The following GPHN variants were observed in gnomAD, a reference collection of about 807,000 sequenced individuals.
The protein encoded by GPHN is gephyrin.
GPHN carries 17 observed loss-of-function variants against 95.5 expected under a neutral mutation model. The ratio of observed to expected loss-of-function variants is 0.18; its 90% CI spans 0.12 to 0.27. GPHN has a LOEUF of 0.27. Among genes scored for constraint, GPHN ranks in the 10% least tolerant of loss-of-function variants. GPHN has a pLI of 1.00. For missense variants in GPHN, 660 were observed against 978.1 expected (o/e 0.67, Z 4.34); for synonymous variants, 320 against 322.5 (o/e 0.99, Z 0.08).
the GPHN span, chr14:67,340,004 C>A: frequency 7.1e-6 from 1 of 141,228 alleles, no homozygotes; most frequent in African/African-American, 2.8e-5. Flanking sequence ...GCACTCCAGC[C>A]TGGGTGACAG....
chr14:67,682,567 C>A, the GPHN span, among the ~76,000 whole-genome samples: 1 of 152,166 alleles, frequency 6.6e-6, no homozygotes, highest in Non-Finnish European at 1.5e-5. Flanking sequence ...TTCATACTCA[C>A]TAGGATGGCT....
At chr14:67,401,347 A>C in the GPHN span, among the ~76,000 whole-genome samples, 3 of 152,062 alleles carry the variant, frequency 2.0e-5, no homozygotes, top group South Asian at 6.2e-4. Context: ...TAAATAAATA[A>C]ACAAATAAAT....
At chr14:67,692,649 T>C in the GPHN span, 1 of 1,508,160 alleles carries the variant, frequency 6.6e-7, no homozygotes. Flanking sequence ...GCTGGCATTA[T>C]AAATCTAATG....
chr14:66,819,922 A>G (rs961883797), intron 3 of GPHN, among the ~76,000 whole-genome samples: 4 of 152,284 alleles, frequency 2.6e-5, no homozygotes, highest in East Asian at 1.9e-4. Flanking sequence ...AAGCTAATAT[A>G]TAGTAGCATT....
rs371159967 is a variant in GPHN at position 66,508,621 on chromosome 14, G to A, written c.64+30G>A. 13 of 1,572,932 alleles carry A rather than the reference G, an allele frequency of 8.3e-6. No individual in the cohort carries two copies. The African/African-American group carries it at 1.8e-4, about 21-fold the overall frequency. ...CCGGGGGAGGAGGTCTGGGACCTAT[G>A]AGGCTGCTGTCCCTGCATTGCCTTA... is the stretch of plus-strand genomic sequence containing the variant. On this transcript the variant is annotated intron_variant, in intron 1 of 22. Coordinates refer to ENST00000478722, the MANE Select transcript of GPHN (RefSeq NM_020806.5).
intron 1 of GPHN, among the ~76,000 whole-genome samples, chr14:66,515,416 C>T (rs1358155000): frequency 2.6e-5 from 4 of 152,026 alleles, no homozygotes; most frequent in African/African-American, 9.7e-5. Flanking sequence ...GTATGTTTTT[C>T]TGGTAATAGG....
At chr14:66,958,977 A>G (rs2068717789) in intron 8 of GPHN, among the ~76,000 whole-genome samples, 1 of 151,894 alleles carries the variant, frequency 6.6e-6, no homozygotes. Context: ...TGCTACTTTT[A>G]CTAACTATTA....
intron 13 of GPHN, among the ~76,000 whole-genome samples, chr14:67,105,959 T>C (rs1467738234): frequency 6.6e-6 from 1 of 152,272 alleles, no homozygotes; most frequent in Middle Eastern, 3.4e-3. Flanking sequence ...TTTATTCTTT[T>C]CTCTTTCTCC....
intron 1 of GPHN, among the ~76,000 whole-genome samples, chr14:66,598,982 C>T (rs1428890447): frequency 2.6e-5 from 4 of 152,010 alleles, no homozygotes; most frequent in South Asian, 2.1e-4. Context: ...TTTTTTTATA[C>T]GTTGTGCATA....
At chr14:66,623,387 A>G (rs2063387634) in intron 1 of GPHN, among the ~76,000 whole-genome samples, 1 of 152,100 alleles carries the variant, frequency 6.6e-6, no homozygotes. Context: ...TCAGCCAGCA[A>G]CCTTGGAAGT....
chr14:66,711,793 G>T (rs2069666189), intron 2 of GPHN, among the ~76,000 whole-genome samples: 1 of 150,784 alleles, frequency 6.6e-6, no homozygotes, highest in South Asian at 2.1e-4. Flanking sequence ...CCCTGGGTCT[G>T]TGTGTTCTCG....
the GPHN span, chr14:67,472,954 G>GC: frequency 5.8e-6 from 1 of 173,554 alleles, no homozygotes; most frequent in African/African-American, 2.4e-5. Context: ...AGCTCAGCAG[G>GC]CCCCTGGGGA....
intron 10 of GPHN, 136 bp from the exon 11 acceptor site, chr14:67,058,513 G>T: frequency 1.3e-6 from 1 of 759,080 alleles, no homozygotes; most frequent in Non-Finnish European, 2.3e-6. Context: ...TATTTTGGAG[G>T]CAGGAGAAAC....
the GPHN span, among the ~76,000 whole-genome samples, chr14:67,284,462 A>G: frequency 2.3e-5 from 3 of 132,976 alleles, no homozygotes; most frequent in East Asian, 2.4e-4. Flanking sequence ...GCATGGTGGT[A>G]TGCTTCTGTA....
chr14:66,811,453 A>G (rs367894361), intron 3 of GPHN, among the ~76,000 whole-genome samples: 1 of 151,916 alleles, frequency 6.6e-6, no homozygotes, highest in African/African-American at 2.4e-5. Flanking sequence ...AAATTTCCTT[A>G]TACTTTTTTG....
At chr14:67,567,810 G>C in the GPHN span, among the ~76,000 whole-genome samples, 53 of 152,352 alleles carry the variant, frequency 3.5e-4, no homozygotes, top group African/African-American at 1.3e-3. Flanking sequence ...TGAGCCAACA[G>C]GGCATTCCTC....
intron 2 of GPHN, chr14:66,709,216 C>T (rs963689981): frequency 1.8e-5 from 6 of 339,176 alleles, no homozygotes; most frequent in African/African-American, 1.1e-4. Context: ...GATTAGCAGC[C>T]TTTTCTAAAC....
intron 2 of GPHN, among the ~76,000 whole-genome samples, chr14:66,736,658 G>A (rs2072314049): frequency 6.6e-6 from 1 of 151,922 alleles, no homozygotes; most frequent in African/African-American, 2.4e-5. Context: ...ACCCGCCTCG[G>A]CCTCCTAAAG....
the GPHN span, chr14:67,302,377 T>C: frequency 7.6e-7 from 1 of 1,320,380 alleles, no homozygotes; most frequent in Non-Finnish European, 9.9e-7. Context: ...TGTATTATTT[T>C]TATTTTTAAA....
Sources: allele counts gnomAD v4.1 joint callset (sites outside exome capture counted in the v4.1 genomes callset), GRCh38; gene constraint gnomAD v4.1.1; transcripts MANE v1.5; gene names NCBI Gene and HGNC (gene_info 2026-07-23, HGNC 2026-07-21).